PKD1L1: variants seen among roughly 807,000 people sequenced by gnomAD.
PKD1L1 encodes the protein polycystin 1 like 1, transient receptor potential channel interacting.
A neutral mutation model predicts 323.4 loss-of-function variants in PKD1L1; 236 were observed. The ratio of observed to expected loss-of-function variants is 0.73; its 90% CI spans 0.66 to 0.81. The LOEUF (loss-of-function observed/expected upper bound fraction) is 0.81. PKD1L1 is among the 40% of genes least tolerant of loss of function. The pLI, the probability that PKD1L1 is intolerant of heterozygous loss-of-function variation, is 0.00. For synonymous variants in PKD1L1, 1,344 were observed against 1,335.0 expected, an observed-to-expected ratio of 1.01 and a Z score of -0.15; for missense variants, 3,320 against 3,508.0, an observed-to-expected ratio of 0.95 and a Z score of 1.35.
chr7:47,814,459 A>T (rs1784972202), intron 47 of PKD1L1, among the ~76,000 whole-genome samples: 1 of 152,200 alleles, frequency 6.6e-6, no homozygotes, highest in South Asian at 2.1e-4. Flanking sequence ...AGCTCACTGC[A>T]ATCTCCACCC....
At chr7:47,921,977 G>GTA (rs1787552719) in intron 7 of PKD1L1, among the ~76,000 whole-genome samples, 1 of 148,810 alleles carries the variant, frequency 6.7e-6, no homozygotes, top group Non-Finnish European at 1.5e-5. Flanking sequence ...AGGCTGGACT[G>GTA]TACTGCTGCC....
chr7:47,835,771 T>A (rs1785444870), intron 37 of PKD1L1, among the ~76,000 whole-genome samples: 1 of 152,124 alleles, frequency 6.6e-6, no homozygotes, highest in African/African-American at 2.4e-5. Flanking sequence ...TATATAGAAC[T>A]GATATGATGG....
intron 22 of PKD1L1, among the ~76,000 whole-genome samples, chr7:47,876,777 A>G (rs1314758082): frequency 6.6e-6 from 1 of 151,960 alleles, no homozygotes; most frequent in Admixed American, 6.6e-5. Flanking sequence ...TGAGGCATTC[A>G]TCTTTTTTTA....
rs2128734889 is a variant in PKD1L1 at position 47,829,617 on chromosome 7, T to C, written c.6559-16A>G. On this transcript the variant is annotated splice_polypyrimidine_tract_variant and intron_variant, in intron 43 of 56. Transcript: ENST00000289672. ...TGAGGCATACCTGGAAGGAAAAACA[T>C]GACAGCGCAGAGAGCCGCCCTATGT... The C allele has an allele frequency of 6.3e-7, 1 of 1,597,666 alleles. No homozygotes were observed. The highest frequency in any genetic ancestry group is 1.7e-4 in the Middle Eastern group (1 of 5,886).
At chr7:47,833,382 C>T in intron 40 of PKD1L1, 130 bp from the exon 41 acceptor site, 1 of 996,760 alleles carries the variant, frequency 1.0e-6, no homozygotes, top group East Asian at 2.6e-5. Context: ...GGTGCTGAGG[C>T]CTCTAAAGAC....
chr7:47,822,744 T>C (rs1224654909), intron 45 of PKD1L1, among the ~76,000 whole-genome samples: 2 of 152,344 alleles, frequency 1.3e-5, no homozygotes, highest in African/African-American at 4.8e-5. Flanking sequence ...CTGACTTCTT[T>C]CATCAGTGTT....
chr7:47,884,520 G>C lies in PKD1L1; in HGVS notation c.3265+78C>G, dbSNP rs370648208. On this transcript the variant is annotated intron_variant, in intron 19 of 56. Transcript: ENST00000289672. Reference sequence around the variant, plus strand: ...CTCTCAGTGGCTGTGTAAGGGAACAGGTGGGAAATCCAGATTGCAGAAAGG... The same window carrying C: ...CTCTCAGTGGCTGTGTAAGGGAACACGTGGGAAATCCAGATTGCAGAAAGG... 6.9e-6 allele frequency: 9 copies of C among 1,312,856 alleles called. No individual in the cohort carries two copies. The East Asian group carries it at 9.3e-5, about 14-fold the overall frequency. 81.3% of individuals were successfully genotyped at this position (1,312,856 alleles called of 1,614,324 possible).
chr7:47,943,412 T>G lies in PKD1L1; in HGVS notation c.144A>C (p.Gly48=), dbSNP rs758899097. 3.7e-6 allele frequency: 6 copies of G among 1,612,978 alleles called. No homozygotes were observed. The African/African-American group carries it at 6.7e-5, about 18-fold the overall frequency. The part of the protein sequence containing the change: ...GLHLCSCSPP[G]GGLWVEVYAN... ...AGGCCTTACCGACCCACAATCCACC[T>G]CCAGGAGGGCTACAGCTGCACAGAT... Residue 48 remains glycine (G), a synonymous_variant, in exon 2 of 57, where the codon GGA becomes GGC. Coordinates refer to ENST00000289672, the MANE Select transcript of PKD1L1 (RefSeq NM_138295.5).
chr7:47,830,794 G>C (rs565399064), intron 42 of PKD1L1, among the ~76,000 whole-genome samples: 1 of 152,330 alleles, frequency 6.6e-6, no homozygotes, highest in Non-Finnish European at 1.5e-5. Context: ...CGGAGTGACA[G>C]GATCAGAATC....
chr7:47,823,613 A>G (rs1336914651), intron 45 of PKD1L1, among the ~76,000 whole-genome samples: 1 of 152,226 alleles, frequency 6.6e-6, no homozygotes, highest in Non-Finnish European at 1.5e-5. Context: ...GTGTTTTCCC[A>G]CGAGGAAACA....
rs757413045 is a variant in PKD1L1 at position 47,829,414 on chromosome 7, A to AT, written c.6735+10dup. 1.6e-4 allele frequency: 247 copies of AT among 1,583,914 alleles called. No individual in the cohort carries two copies. Among genetic ancestry groups the AT allele is most frequent in the South Asian group, 1.5e-3 (133 of 86,362 alleles). On this transcript the variant is annotated intron_variant, in intron 44 of 56. Coordinates refer to ENST00000289672, the MANE Select transcript of PKD1L1 (RefSeq NM_138295.5). ...AATCTCAATTTGCACTGCATAGGTA[A>AT]TTTTTTTTACTTTTTCAACCTCGCC...
Position 47,929,476 on chromosome 7 carries a change from G to C in PKD1L1, c.788C>G (p.Ser263Trp). 2 of 1,614,130 alleles carry C rather than the reference G, an allele frequency of 1.2e-6. No homozygotes were observed. The highest frequency in any genetic ancestry group is 1.7e-6 in the Non-Finnish European group (2 of 1,179,976). The change falls in exon 7 of 57, where the codon TCG (serine) becomes TGG (tryptophan). Residue 263 changes from serine to tryptophan, a missense_variant. Coordinates refer to ENST00000289672, the MANE Select transcript of PKD1L1 (RefSeq NM_138295.5). ...ATAGAGGATCTCAGAACCAGACTGC[G>C]ATGCCGTGAAGCTGGGGGTGCGAGG... ...GIPRTPSFTA[S>W]QSGSEILYPP...
At chr7:47,888,752 G>A (rs1303539550) in intron 16 of PKD1L1, among the ~76,000 whole-genome samples, 1 of 152,036 alleles carries the variant, frequency 6.6e-6, no homozygotes, top group African/African-American at 2.4e-5. Context: ...ACCTCCCTTG[G>A]GCCTGCATTC....
intron 3 of PKD1L1, among the ~76,000 whole-genome samples, chr7:47,938,775 C>A (rs1463514271): frequency 2.0e-5 from 3 of 152,206 alleles, no homozygotes; most frequent in African/African-American, 7.2e-5. Context: ...GCTGAGGTCC[C>A]AGGTGGCTGA....
At chr7:47,883,820 C>A (rs186892769) in intron 19 of PKD1L1, among the ~76,000 whole-genome samples, 1 of 152,222 alleles carries the variant, frequency 6.6e-6, no homozygotes, top group African/African-American at 2.4e-5. Context: ...TTTATCGATT[C>A]ATTCATCAAA....
At chr7:47,942,491 A>C (rs951480551) in intron 2 of PKD1L1, among the ~76,000 whole-genome samples, 3 of 151,812 alleles carry the variant, frequency 2.0e-5, no homozygotes, top group Admixed American at 2.0e-4. Flanking sequence ...AATTAAAAAA[A>C]TTTTTTTAAA....
intron 44 of PKD1L1, among the ~76,000 whole-genome samples, chr7:47,828,359 C>T (rs758716091): frequency 1.6e-4 from 24 of 151,572 alleles, no homozygotes; most frequent in African/African-American, 5.6e-4. Context: ...CACAGCTGTA[C>T]GAGGGGAGAA....
At chr7:47,818,179 G>C in intron 46 of PKD1L1, 2 of 1,367,206 alleles carry the variant, frequency 1.5e-6, no homozygotes, top group Non-Finnish European at 2.0e-6. Context: ...GATGGAGACA[G>C]AGATGGGAGG....
chr7:47,855,875 C>CAAACAAAAAAA (rs1419077510), intron 28 of PKD1L1, among the ~76,000 whole-genome samples: 1 of 32,534 alleles, frequency 3.1e-5, no homozygotes, highest in African/African-American at 2.7e-4. Context: ...GACTCCGTCT[C>CAAACAAAAAAA]AAAAAAAAAA....
Sources: allele counts gnomAD v4.1 joint callset (sites outside exome capture counted in the v4.1 genomes callset), GRCh38; gene constraint gnomAD v4.1.1; transcripts MANE v1.5; gene names NCBI Gene and HGNC (gene_info 2026-07-23, HGNC 2026-07-21).